SSH1: variants seen among roughly 807,000 people sequenced by gnomAD.
The protein encoded by SSH1 is slingshot protein phosphatase 1, also known as protein phosphatase Slingshot homolog 1.
SSH1 carries 43 observed loss-of-function variants against 79.7 expected under a neutral mutation model. The ratio of observed to expected loss-of-function variants is 0.54; its 90% CI spans 0.42 to 0.70. The LOEUF (loss-of-function observed/expected upper bound fraction) is 0.70, where lower values mean the gene tolerates loss of function less well. Among genes scored for constraint, SSH1 ranks in the 30% least tolerant of loss-of-function variants. The pLI is 0.00. For synonymous variants in SSH1, 599 were observed against 538.3 expected, an observed-to-expected ratio of 1.11 and a Z score of -1.56; for missense variants, 1,206 against 1,358.8, an observed-to-expected ratio of 0.89 and a Z score of 1.77.
chr12:108,826,092 A>G (rs1190636031), intron 2 of SSH1: 1 of 446,312 alleles, frequency 2.2e-6, no homozygotes, highest in African/African-American at 2.0e-5. Flanking sequence ...AAAAAAAAAA[A>G]TTCATACTGA....
chr12:108,789,672 TC>T (rs1237777225), intron 14 of SSH1, among the ~76,000 whole-genome samples: 8 of 151,990 alleles, frequency 5.3e-5, no homozygotes, highest in African/African-American at 1.9e-4. Context: ...AGGGAAGGCT[TC>T]CCAGAGGAAC....
intron 2 of SSH1, chr12:108,834,388 C>T (rs965230226): frequency 2.0e-5 from 3 of 152,302 alleles, no homozygotes; most frequent in Non-Finnish European, 4.4e-5. Flanking sequence ...TCAACATCTT[C>T]TAGCACCTCC....
Position 108,788,898 on chromosome 12 carries a change from G to T in SSH1, c.2240C>A (p.Thr747Asn). 6.2e-7 allele frequency: 1 copy of T among 1,614,226 alleles called. No individual in the cohort carries two copies. The part of the protein sequence containing the change: ...PASLLEPSRE[T>N]PKVLPKSLLL... The stretch of plus-strand genomic sequence containing the variant: ...GAGGGACTTTGGCAGGACTTTTGGG[G>T]TCTCTCTGGAAGGTTCCAAAAGGCT... The change falls in exon 15 of 15, where the codon ACC (threonine) becomes AAC (asparagine). Residue 747 changes from threonine to asparagine, a missense_variant. Thr to Asn is a moderately conservative substitution (Grantham distance 65). Transcript: ENST00000326495.
In SSH1 at chr12:108,839,690, GA is replaced by G. The variant is rs111512016; in HGVS notation, c.110+12947del. 6.8e-5 allele frequency among the ~76,000 whole-genome samples: 10 copies of G among 147,906 alleles called. No individual in the cohort carries two copies. The East Asian group carries it at 9.8e-4, about 15-fold the overall frequency. ...AAAAGTAACCATTCAAGAAAAGAAA[GA>G]AAAAAAAAACTGTAAAAGTAAAGGC... is the stretch of plus-strand genomic sequence containing the variant. On this transcript the variant is annotated intron_variant, in intron 2 of 14. Coordinates refer to ENST00000326495, the MANE Select transcript of SSH1 (RefSeq NM_018984.4).
rs556790431 is a variant in SSH1, at chr12:108,797,546, C to A, written c.1349+1454G>T. Among the ~76,000 whole-genome samples, 36 of 152,306 alleles carry A rather than the reference C, an allele frequency of 2.4e-4. No homozygotes were observed. In the South Asian group the frequency reaches 7.5e-3, roughly 32 times the overall value. On this transcript the variant is annotated intron_variant, in intron 13 of 14. Transcript: ENST00000326495. ...TTTCCAAAACTACCTATAGCCCACT[C>A]CACCCCCATCCTGTGCCTATAAAGA...
chr12:108,790,897 C>T (rs2036472935), intron 14 of SSH1, among the ~76,000 whole-genome samples: 1 of 152,172 alleles, frequency 6.6e-6, no homozygotes, highest in Admixed American at 6.5e-5. Context: ...GGCCACCCTT[C>T]CACTGAACCA....
intron 5 of SSH1, among the ~76,000 whole-genome samples, chr12:108,815,647 C>T (rs567166587): frequency 1.7e-4 from 26 of 152,292 alleles, no homozygotes; most frequent in African/African-American, 6.0e-4. Context: ...GGTGGCACCC[C>T]ATCCTAATGG....
Position 108,824,786 on chromosome 12 carries a change from A to G in SSH1, c.111-1425T>C, listed in dbSNP as rs574814103. On this transcript the variant is annotated intron_variant, in intron 2 of 14. Coordinates refer to ENST00000326495, the MANE Select transcript of SSH1 (RefSeq NM_018984.4). The stretch of plus-strand genomic sequence containing the variant: ...AGTTTTTATTTTTAATTTCACTTTC[A>G]TGACTTGGCTATCAAGTCTGGCTTT... Among the ~76,000 whole-genome samples, 7 of 152,356 alleles carry G rather than the reference A, an allele frequency of 4.6e-5. No individual in the cohort carries two copies. In the South Asian group the frequency reaches 1.4e-3, roughly 32 times the overall value.
At chr12:108,816,596 T>A (rs1310298978) in intron 5 of SSH1, among the ~76,000 whole-genome samples, 2 of 152,118 alleles carry the variant, frequency 1.3e-5, no homozygotes. Flanking sequence ...AGTATCACTG[T>A]GGGGTGAGGT....
chr12:108,845,818 C>T (rs1359523728), intron 2 of SSH1, among the ~76,000 whole-genome samples: 4 of 152,196 alleles, frequency 2.6e-5, no homozygotes, highest in African/African-American at 7.2e-5. Flanking sequence ...CTTGGATGCA[C>T]GGGGTGCATG....
At chr12:108,835,989 C>T (rs141186789) in intron 2 of SSH1, among the ~76,000 whole-genome samples, 7 of 20,428 alleles carry the variant, frequency 3.4e-4, no homozygotes, top group East Asian at 8.8e-4. Flanking sequence ...TCGATTATAA[C>T]TATATTAATA....
chr12:108,799,747 A>G (rs544358423), intron 12 of SSH1, among the ~76,000 whole-genome samples: 3 of 152,344 alleles, frequency 2.0e-5, no homozygotes, highest in South Asian at 4.1e-4. Flanking sequence ...GCGGCCGCAA[A>G]AAAAAGCCAG....
At chr12:108,804,168 C>T (rs1440314870) in intron 10 of SSH1, among the ~76,000 whole-genome samples, 1 of 152,212 alleles carries the variant, frequency 6.6e-6, no homozygotes. Context: ...GCTATCCTCC[C>T]CCTCAGCCTC....
chr12:108,846,855 C>T lies in SSH1; in HGVS notation c.110+5783G>A, dbSNP rs79553819. Among the ~76,000 whole-genome samples, 278 of 152,280 alleles carry T rather than the reference C, an allele frequency of 1.8e-3. 2 individuals carry two copies. The highest frequency in any genetic ancestry group is 6.6e-3 in the African/African-American group (275 of 41,548). The stretch of plus-strand genomic sequence containing the variant: ...GCACATCAGCAATACTTTGTGAAGA[C>T]CGAGCACAGCAACCAAGCCCACTGT... On this transcript the variant is annotated intron_variant, in intron 2 of 14. Coordinates refer to ENST00000326495, the MANE Select transcript of SSH1 (RefSeq NM_018984.4).
At chr12:108,856,017 A>G (rs535552244) in intron 1 of SSH1, among the ~76,000 whole-genome samples, 1 of 151,332 alleles carries the variant, frequency 6.6e-6, no homozygotes, top group Non-Finnish European at 1.5e-5. Context: ...AGACACACAA[A>G]CCTCCCCCGT....
chr12:108,856,768 T>A (rs923684549), intron 1 of SSH1, among the ~76,000 whole-genome samples: 2 of 152,058 alleles, frequency 1.3e-5, no homozygotes, highest in African/African-American at 4.8e-5. Context: ...ACATCTCACA[T>A]CGCACAGCCA....
At position 108,789,070 on chromosome 12, in the gene SSH1, G is replaced by A. The variant is rs777146130; in HGVS notation, c.2068C>T (p.Pro690Ser). The A allele has an allele frequency of 6.2e-7, 1 of 1,612,938 alleles. No individual in the cohort carries two copies. The highest frequency in any genetic ancestry group is 8.5e-7 in the Non-Finnish European group (1 of 1,179,120). Residue 690 changes from proline (P) to serine (S), a missense_variant, in exon 15 of 15, where the codon CCT becomes TCT. Pro to Ser is a moderately conservative substitution (Grantham distance 74). Around this residue, in one of 5 missense-constraint regions of SSH1, gnomAD observed 709 missense variants for 730.6 expected, o/e 0.97. Coordinates refer to ENST00000326495, the MANE Select transcript of SSH1 (RefSeq NM_018984.4). ...GACCTGCTGGCCAAGTGGGCCACAGGGGAGGACGTGATGTGGGGTAGGAAG... is the reference window on the plus strand; with the variant it reads ...GACCTGCTGGCCAAGTGGGCCACAGAGGAGGACGTGATGTGGGGTAGGAAG... Reference protein sequence around the residue: ...PAFLPHITSSPVAHLASRSRV... With the variant: ...PAFLPHITSSSVAHLASRSRV...
intron 1 of SSH1, among the ~76,000 whole-genome samples, chr12:108,856,660 G>A (rs775504739): frequency 2.0e-5 from 3 of 152,210 alleles, no homozygotes; most frequent in Non-Finnish European, 4.4e-5. Flanking sequence ...GAACTCCAGA[G>A]GCGGCAGGCG....
rs2036260568 is a variant in SSH1, at chr12:108,785,957, T to G, written c.*2031A>C. 1 of 152,164 alleles carries G rather than the reference T, an allele frequency of 6.6e-6. No homozygotes were observed. Among genetic ancestry groups the G allele is most frequent in the Admixed American group, 6.5e-5 (1 of 15,270 alleles). 9.4% of individuals were successfully genotyped at this position (152,164 alleles called of 1,614,324 possible). A position where few individuals can be genotyped will look rare whatever the true frequency, so the allele number is the denominator to read the frequency against. Reference sequence around the variant, plus strand: ...TGGATAATCACCTTTTAAGGTGATTTTAATTGACACTAGTGGGAAAACAGC... The same window carrying G: ...TGGATAATCACCTTTTAAGGTGATTGTAATTGACACTAGTGGGAAAACAGC... On this transcript the variant is annotated 3_prime_UTR_variant, in exon 15 of 15. Coordinates refer to ENST00000326495, the MANE Select transcript of SSH1 (RefSeq NM_018984.4).
Sources: gnomAD v4.1 joint callset for allele counts (sites outside exome capture counted in the v4.1 genomes callset) on GRCh38, gnomAD v4.1.1 for gene constraint, gnomAD v4.1.1 regional missense constraint, MANE v1.5 for transcripts, NCBI Gene and HGNC (gene_info 2026-07-23, HGNC 2026-07-21) for gene names.